The following RNF216 variants were observed in gnomAD, a reference collection of about 807,000 sequenced individuals.
RNF216 encodes E3 ubiquitin-protein ligase RNF216.
In RNF216, 72 loss-of-function variants were observed where a neutral mutation model predicts 110.8. That is an observed-to-expected ratio of 0.65 (90% confidence interval 0.54 to 0.79). The LOEUF is 0.79. RNF216 is among the 30% of genes least tolerant of loss of function. The probability of loss-of-function intolerance (pLI) is 0.00; values close to 1 mark genes in which losing one functional copy is unlikely to be tolerated. For missense variants in RNF216, 1,342 were observed against 1,141.2 expected, an observed-to-expected ratio of 1.18 and a Z score of -2.54; for synonymous variants, 495 against 407.5, an observed-to-expected ratio of 1.21 and a Z score of -2.59.
chr7:5,718,550 C>CTT (rs914318770), intron 9 of RNF216, among the ~76,000 whole-genome samples: 5 of 141,602 alleles, frequency 3.5e-5, no homozygotes, highest in South Asian at 2.3e-4. Context: ...ATAACCCACC[C>CTT]TTTTTTTTTT....
chr7:5,684,838 T>C (rs2128608166), intron 13 of RNF216, among the ~76,000 whole-genome samples: 1 of 146,372 alleles, frequency 6.8e-6, no homozygotes, highest in East Asian at 2.0e-4. Context: ...ATTTTTAAGG[T>C]GATGAAAAGA....
chr7:5,654,610 C>G (rs1293622728), intron 13 of RNF216, among the ~76,000 whole-genome samples: 2 of 147,002 alleles, frequency 1.4e-5, no homozygotes, highest in African/African-American at 2.5e-5. Flanking sequence ...TCACTTGAAC[C>G]TGGCAGGTGG....
At chr7:5,764,647 C>CAAAAAA (rs5882067) in intron 1 of RNF216, among the ~76,000 whole-genome samples, 1 of 132,816 alleles carries the variant, frequency 7.5e-6, no homozygotes. Context: ...GACACCGTCT[C>CAAAAAA]AAAAAAAAAA....
Position 5,752,861 on chromosome 7 carries a change from A to G in RNF216, c.186T>C (p.Asp62=), listed in dbSNP as rs1795403535. Reference sequence around the variant, plus strand: ...GAAAACTCACTTCTGTCAGGATGACATCATCATCCAGGTCCTCTTCTTCAT... The same window carrying G: ...GAAAACTCACTTCTGTCAGGATGACGTCATCATCCAGGTCCTCTTCTTCAT... ...QQHEEEDLDD[D]VILTETNKPQ... The change falls in exon 3 of 17, where the codon GAT becomes GAC. Residue 62 remains aspartate, a synonymous_variant. Coordinates refer to ENST00000389902, the MANE Select transcript of RNF216 (RefSeq NM_207111.4). The G allele has an allele frequency of 2.5e-6, 4 of 1,611,622 alleles. No homozygotes were observed. In the African/African-American group the frequency reaches 5.3e-5, roughly 22 times the overall value.
chr7:5,712,589 T>C (rs545555191), intron 12 of RNF216, 126 bp downstream of exon 12: 1 of 912,346 alleles, frequency 1.1e-6, no homozygotes, highest in East Asian at 2.6e-5. Flanking sequence ...GATAATCTTA[T>C]TTCTCAGCAA....
intron 13 of RNF216, among the ~76,000 whole-genome samples, chr7:5,688,540 T>C (rs1022450770): frequency 6.6e-6 from 1 of 152,222 alleles, no homozygotes; most frequent in Non-Finnish European, 1.5e-5. Flanking sequence ...AGCCTTCCTG[T>C]AGCAGTTTGT....
intron 15 of RNF216, among the ~76,000 whole-genome samples, chr7:5,628,290 C>T (rs1040328892): frequency 5.3e-5 from 8 of 152,116 alleles, no homozygotes; most frequent in African/African-American, 1.9e-4. Flanking sequence ...GTTTGTATTT[C>T]ACCCAAAATG....
intron 1 of RNF216, among the ~76,000 whole-genome samples, chr7:5,780,846 C>T (rs1797044395): frequency 6.6e-6 from 1 of 152,258 alleles, no homozygotes; most frequent in African/African-American, 2.4e-5. Context: ...GTAACCCGCA[C>T]GCCGCGCACG....
At chr7:5,706,730 C>T (rs920256683) in intron 13 of RNF216, among the ~76,000 whole-genome samples, 2 of 152,230 alleles carry the variant, frequency 1.3e-5, no homozygotes, top group African/African-American at 4.8e-5. Context: ...TTTCCACCGG[C>T]TGCCTTTTCA....
chr7:5,772,182 G>A (rs1266331844), intron 1 of RNF216, among the ~76,000 whole-genome samples: 1 of 152,116 alleles, frequency 6.6e-6, no homozygotes, highest in Non-Finnish European at 1.5e-5. Flanking sequence ...GCGGTGAGCC[G>A]AGATCAAGCC....
chr7:5,754,714 A>G (rs1047720799), intron 2 of RNF216, among the ~76,000 whole-genome samples: 1 of 152,100 alleles, frequency 6.6e-6, no homozygotes, highest in Non-Finnish European at 1.5e-5. Flanking sequence ...AAGACACACA[A>G]TCTTGGTGTA....
At chr7:5,738,485 G>A (rs1448613314) in intron 5 of RNF216, among the ~76,000 whole-genome samples, 1 of 152,100 alleles carries the variant, frequency 6.6e-6, no homozygotes, top group Non-Finnish European at 1.5e-5. Flanking sequence ...GAGGCGGGTG[G>A]ATCACGAGGT....
At position 5,624,848 on chromosome 7, in the gene RNF216, C is replaced by T. The variant is rs960089942; in HGVS notation, c.2383-723G>A. On this transcript the variant is annotated intron_variant, in intron 15 of 16. Coordinates refer to ENST00000389902, the MANE Select transcript of RNF216 (RefSeq NM_207111.4). The surrounding 1 kb of genome is among the most constrained non-coding windows in gnomAD (Gnocchi z 4.4). ...CTCAGGGGCCACACTGGGCAAGCCCCAGAGGTTGGGTTTTTGCCACATGCA... is the reference window on the plus strand; with the variant it reads ...CTCAGGGGCCACACTGGGCAAGCCCTAGAGGTTGGGTTTTTGCCACATGCA... Among the ~76,000 whole-genome samples, 2 of 152,244 alleles carry T rather than the reference C, an allele frequency of 1.3e-5. No homozygotes were observed. Among genetic ancestry groups the T allele is most frequent in the Admixed American group, 1.3e-4 (2 of 15,286 alleles).
intron 7 of RNF216, among the ~76,000 whole-genome samples, chr7:5,726,799 A>C (rs1478804335): frequency 6.6e-6 from 1 of 151,884 alleles, no homozygotes; most frequent in Admixed American, 6.6e-5. Context: ...CGGAGGTTGC[A>C]GTGAGCTGAG....
chr7:5,760,482 C>T (rs1795874533), intron 2 of RNF216: 1 of 371,212 alleles, frequency 2.7e-6, no homozygotes, highest in African/African-American at 2.1e-5. Context: ...CGCCATTGCA[C>T]TCTGGCCTGG....
intron 14 of RNF216, among the ~76,000 whole-genome samples, chr7:5,647,604 G>A (rs1290495702): frequency 6.6e-6 from 1 of 151,924 alleles, no homozygotes; most frequent in Non-Finnish European, 1.5e-5. Flanking sequence ...AAAGTGCTGG[G>A]ATTACCGGTG....
At chr7:5,651,262 C>T (rs955755965) in intron 14 of RNF216, among the ~76,000 whole-genome samples, 5 of 150,844 alleles carry the variant, frequency 3.3e-5, no homozygotes, top group African/African-American at 1.2e-4. Context: ...CTCGCTCTGT[C>T]GCCCAGGCTG....
intron 13 of RNF216, among the ~76,000 whole-genome samples, chr7:5,672,512 T>C (rs1306608900): frequency 6.6e-6 from 1 of 152,220 alleles, no homozygotes; most frequent in Non-Finnish European, 1.5e-5. Flanking sequence ...AACCCACTGA[T>C]GAATTTCAAC....
rs185270735 is a variant in RNF216 at position 5,776,312 on chromosome 7, G to A, written c.-70+5229C>T. 3.9e-3 allele frequency among the ~76,000 whole-genome samples: 586 copies of A among 152,028 alleles called. 1 individual carries two copies. Among genetic ancestry groups the A allele is most frequent in the African/African-American group, 0.014 (570 of 41,472 alleles). ...TAATAAAGAGACTATAGCCGGGCACGGTGGCTCAAGCCTGTAATCCCAGCA... is the reference window on the plus strand; with the variant it reads ...TAATAAAGAGACTATAGCCGGGCACAGTGGCTCAAGCCTGTAATCCCAGCA... On this transcript the variant is annotated intron_variant, in intron 1 of 16. Transcript: ENST00000389902.
Sources: allele counts gnomAD v4.1 joint callset (sites outside exome capture counted in the v4.1 genomes callset), GRCh38; gene constraint gnomAD v4.1.1; non-coding constraint Gnocchi (gnomAD v3.1); transcripts MANE v1.5; gene names NCBI Gene and HGNC (gene_info 2026-07-23, HGNC 2026-07-21).